Variants in ENOSF1 observed in about 807,000 individuals in gnomAD.
ENOSF1 encodes the protein mitochondrial enolase superfamily member 1.
Under a neutral mutation model 68.2 loss-of-function variants are expected in ENOSF1, and 73 were observed. The observed-to-expected ratio is 1.07, with a 90% CI of 0.89 to 1.30. The LOEUF (loss-of-function observed/expected upper bound fraction) is 1.30, where lower values mean the gene tolerates loss of function less well. Ranked by LOEUF, ENOSF1 falls within the 50% of genes most tolerant of loss-of-function variation. The probability of loss-of-function intolerance (pLI) is 0.00; values close to 1 mark genes in which losing one functional copy is unlikely to be tolerated. For missense variants in ENOSF1, 589 were observed against 554.5 expected (o/e 1.06, Z -0.62); for synonymous variants, 223 against 210.4 (o/e 1.06, Z -0.52).
Position 673,115 on chromosome 18 carries a change from A to G in ENOSF1, c.*1190T>C, listed in dbSNP as rs945760623. ...GAACTAGGTCAAAAATCTGTCCGTGACCTATCAGTTATTAATTTTTAAGGA... is the reference window on the plus strand; with the variant it reads ...GAACTAGGTCAAAAATCTGTCCGTGGCCTATCAGTTATTAATTTTTAAGGA... On this transcript the variant is annotated 3_prime_UTR_variant, in exon 16 of 16. Transcript: ENST00000647584. The G allele has an allele frequency of 3.0e-5, 34 of 1,128,478 alleles. No homozygotes were observed. Among genetic ancestry groups the G allele is most frequent in the Non-Finnish European group, 4.8e-6 (4 of 825,188 alleles). 69.9% of individuals were successfully genotyped at this position (1,128,478 alleles called of 1,614,324 possible).
chr18:699,530 A>T (rs540597226), intron 2 of ENOSF1, among the ~76,000 whole-genome samples: 242 of 152,004 alleles, frequency 1.6e-3, no homozygotes, highest in African/African-American at 5.6e-3. Context: ...GGGTTATTTA[A>T]GATGATGAAT....
chr18:679,902 G>A (rs1051155393), intron 11 of ENOSF1, among the ~76,000 whole-genome samples: 5 of 152,196 alleles, frequency 3.3e-5, no homozygotes, highest in Non-Finnish European at 5.9e-5. Context: ...GGAGCTCTGA[G>A]TACCTGTCAG....
At chr18:675,588 T>C (rs1238828915) in intron 14 of ENOSF1, 186 bp from the exon 15 acceptor site, 4 of 591,804 alleles carry the variant, frequency 6.8e-6, no homozygotes, top group Admixed American at 2.8e-5. Context: ...TTCTAAAATA[T>C]AGCAATGTGA....
downstream of ENOSF1, among the ~76,000 whole-genome samples, chr18:667,316 A>T (rs374091813): frequency 4.1e-4 from 8 of 19,552 alleles, no homozygotes; most frequent in Admixed American, 9.8e-4. Context: ...ATGGTGATGG[A>T]GATGGTGATG....
chr18:677,726 C>T lies in ENOSF1; in HGVS notation c.1048+17G>A, dbSNP rs370837875. 2.1e-5 allele frequency: 34 copies of T among 1,606,722 alleles called. No homozygotes were observed. In the African/African-American group the frequency reaches 3.1e-4, roughly 15 times the overall value. Reference sequence around the variant, plus strand: ...GGGAAATGAAGGTCTGGTCTGCAGCCGCTGCAGCACGCTTACTTTCAAACT... The same window carrying T: ...GGGAAATGAAGGTCTGGTCTGCAGCTGCTGCAGCACGCTTACTTTCAAACT... On this transcript the variant is annotated intron_variant, in intron 13 of 15. Transcript: ENST00000647584.
At chr18:677,953 T>G (rs2075682620) in intron 12 of ENOSF1, 81 bp from the exon 13 acceptor site, 1 of 1,482,944 alleles carries the variant, frequency 6.7e-7, no homozygotes, top group African/African-American at 1.4e-5. Flanking sequence ...ACGCAGCCAC[T>G]CTATGCCAAT....
intron 1 of ENOSF1, among the ~76,000 whole-genome samples, chr18:710,515 T>C (rs968940415): frequency 1.7e-4 from 26 of 152,132 alleles, no homozygotes; most frequent in Admixed American, 3.3e-4. Context: ...CCACCCCTCC[T>C]TTTTTCTTTA....
chr18:706,642 AATG>A (rs2078962740), intron 1 of ENOSF1, 64 bp from the exon 2 acceptor site: 6 of 1,240,346 alleles, frequency 4.8e-6, no homozygotes, highest in South Asian at 4.8e-5. Flanking sequence ...GAACCATGAG[AATG>A]ATGTCACATG....
intron 2 of ENOSF1, among the ~76,000 whole-genome samples, chr18:697,765 T>C (rs990692073): frequency 6.6e-6 from 1 of 152,130 alleles, no homozygotes; most frequent in Non-Finnish European, 1.5e-5. Context: ...GGTATATTCT[T>C]TTTAAAATTG....
At chr18:686,302 G>A (rs1053056918) in intron 9 of ENOSF1, 18 of 350,226 alleles carry the variant, frequency 5.1e-5, no homozygotes, top group African/African-American at 3.3e-4. Context: ...GCCATGAAAA[G>A]GAATTAAGAA....
Position 671,480 on chromosome 18 carries a change from T to C in ENOSF1, c.*2825A>G. 6.9e-7 allele frequency: 1 copy of C among 1,445,692 alleles called. No homozygotes were observed. Among genetic ancestry groups the C allele is most frequent in the African/African-American group, 1.4e-5 (1 of 71,440 alleles). 89.6% of individuals were successfully genotyped at this position (1,445,692 alleles called of 1,614,324 possible). A position where few individuals can be genotyped will look rare whatever the true frequency, so the allele number is the denominator to read the frequency against. On this transcript the variant is annotated 3_prime_UTR_variant, in exon 16 of 16. Transcript: ENST00000647584. Reference sequence around the variant, plus strand: ...AGAATTAGATGTTATACTTTTGGGTTTGGTACCTTCTCTTGATAAAAGGTT... The same window carrying C: ...AGAATTAGATGTTATACTTTTGGGTCTGGTACCTTCTCTTGATAAAAGGTT...
chr18:668,585 A>G (rs1186706985), downstream of ENOSF1, among the ~76,000 whole-genome samples: 2 of 152,246 alleles, frequency 1.3e-5, no homozygotes, highest in Non-Finnish European at 2.9e-5. Context: ...AGGTGATAGA[A>G]AGGAATCCAT....
At chr18:685,789 T>C in intron 10 of ENOSF1, 132 bp downstream of exon 10, 2 of 736,266 alleles carry the variant, frequency 2.7e-6, no homozygotes, top group Non-Finnish European at 4.7e-6. Flanking sequence ...GCTCGCCTAC[T>C]GCAAGACCAC....
intron 1 of ENOSF1, chr18:712,293 G>T: frequency 2.0e-6 from 3 of 1,521,888 alleles, no homozygotes; most frequent in Admixed American, 2.0e-5. Flanking sequence ...AAGTCGGGAA[G>T]CTGCCCGGGG....
intron 14 of ENOSF1, among the ~76,000 whole-genome samples, chr18:675,903 C>T (rs10502290): frequency 0.33 from 50,603 of 151,798 alleles, 8,660 homozygotes; most frequent in Middle Eastern, 0.47. Context: ...GAGGCTTTCT[C>T]GGTACACTTT....
At chr18:666,933 TGATGGAGATGGTGATGGTGATGGA>T (rs2074834602), downstream of ENOSF1, among the ~76,000 whole-genome samples, 1 of 47,788 alleles carries the variant, frequency 2.1e-5, no homozygotes. Context: ...ATGGTGATGG[TGATGGAGATGGTGATGGTGATGGA>T]GATGGAGATG....
At position 671,512 on chromosome 18, in the gene ENOSF1, G is replaced by A. The variant is rs1224260330; in HGVS notation, c.*2793C>T. 9 of 1,085,954 alleles carry A rather than the reference G, an allele frequency of 8.3e-6. No individual in the cohort carries two copies. The African/African-American group carries it at 1.2e-4, about 15-fold the overall frequency. 67.3% of individuals were successfully genotyped at this position (1,085,954 alleles called of 1,614,324 possible). A position where few individuals can be genotyped will look rare whatever the true frequency, so the allele number is the denominator to read the frequency against. ...CTTCTCTTGATAAAAGGTTGACTGTGGAACAGGCATCTGCTCAATGCTGTG... is the reference window on the plus strand; with the variant it reads ...CTTCTCTTGATAAAAGGTTGACTGTAGAACAGGCATCTGCTCAATGCTGTG... On this transcript the variant is annotated 3_prime_UTR_variant, in exon 16 of 16. Transcript: ENST00000647584.
At chr18:697,425 C>CACAA (rs563869774) in intron 2 of ENOSF1, 70 bp from the exon 3 acceptor site, 1 of 1,126,588 alleles carries the variant, frequency 8.9e-7, no homozygotes, top group Non-Finnish European at 1.3e-6. Context: ...CTGAAAACAT[C>CACAA]ACAAACAAAC....
the ENOSF1 span, among the ~76,000 whole-genome samples, chr18:663,023 A>G: frequency 1.4e-5 from 2 of 139,400 alleles, no homozygotes; most frequent in African/African-American, 3.0e-5. Context: ...TCCTTTGGGT[A>G]TATACCCAGT....
Sources: gnomAD v4.1 joint callset for allele counts (sites outside exome capture counted in the v4.1 genomes callset) on GRCh38, gnomAD v4.1.1 for gene constraint, MANE v1.5 for transcripts, NCBI Gene and HGNC (gene_info 2026-07-23, HGNC 2026-07-21) for gene names.